The following PPP5C variants were observed in gnomAD, a reference collection of about 807,000 sequenced individuals.
PPP5C encodes the protein protein phosphatase 5 catalytic subunit.
PPP5C carries 21 observed loss-of-function variants against 66.7 expected under a neutral mutation model. That is an observed-to-expected ratio of 0.31 (90% CI 0.22 to 0.45). The LOEUF is 0.45. PPP5C is among the 20% of genes least tolerant of loss of function. PPP5C has a pLI of 1.00. For synonymous variants in PPP5C, 246 were observed against 257.4 expected (o/e 0.96, Z 0.43); for missense variants, 464 against 675.9 (o/e 0.69, Z 3.48).
chr19:46,354,872 G>C (rs1972256445), intron 2 of PPP5C, among the ~76,000 whole-genome samples: 1 of 151,750 alleles, frequency 6.6e-6, no homozygotes, highest in South Asian at 2.1e-4. Context: ...ATGAGGGAGG[G>C]GACCTAGGGC....
At chr19:46,367,569 C>G (rs1376256850) in intron 2 of PPP5C, among the ~76,000 whole-genome samples, 3 of 152,172 alleles carry the variant, frequency 2.0e-5, no homozygotes, top group African/African-American at 7.2e-5. Flanking sequence ...AAAACCCACT[C>G]ACCCACACTG....
chr19:46,385,478 C>T (rs932182808), intron 7 of PPP5C, among the ~76,000 whole-genome samples: 12 of 152,078 alleles, frequency 7.9e-5, no homozygotes, highest in African/African-American at 2.4e-4. Context: ...ACTTTGTCTC[C>T]AGTAAACATT....
At chr19:46,364,673 T>A (rs1356981885) in intron 2 of PPP5C, among the ~76,000 whole-genome samples, 3 of 152,104 alleles carry the variant, frequency 2.0e-5, no homozygotes, top group African/African-American at 7.2e-5. Context: ...AAAAAAATAA[T>A]TGTACCTTTC....
At position 46,347,152 on chromosome 19, in the gene PPP5C, C is replaced by G; in HGVS notation, c.56C>G (p.Pro19Arg). The change falls in exon 1 of 13, where the codon CCC (proline) becomes CGC (arginine). Residue 19 changes from proline (P) to arginine (R), a missense_variant. By Grantham distance (103) the Pro-to-Arg change is moderately radical. Around this residue, in one of 2 missense-constraint regions of PPP5C, gnomAD observed 77 missense variants for 49.9 expected, o/e 1.54. Coordinates refer to ENST00000012443, the MANE Select transcript of PPP5C (RefSeq NM_006247.4). Reference protein sequence around the residue: ...TECAEPPRDEPPADGALKRAE... With the variant: ...TECAEPPRDERPADGALKRAE... ...TGTGCTGAGCCCCCCCGGGACGAAC[C>G]CCCGGCTGATGGAGCTCTGAAGCGG... The G allele has an allele frequency of 6.2e-7, 1 of 1,605,666 alleles. No homozygotes were observed.
At chr19:46,349,078 G>A (rs552401900) in intron 1 of PPP5C, among the ~76,000 whole-genome samples, 2 of 152,182 alleles carry the variant, frequency 1.3e-5, no homozygotes, top group Non-Finnish European at 2.9e-5. Context: ...GTGGTAAGAC[G>A]AGAACGTGCA....
At chr19:46,373,567 G>A (rs1043312306) in intron 2 of PPP5C, among the ~76,000 whole-genome samples, 3 of 152,166 alleles carry the variant, frequency 2.0e-5, no homozygotes, top group Non-Finnish European at 4.4e-5. Flanking sequence ...GCCTTCATCT[G>A]CCTTCCCAGC....
chr19:46,372,511 C>T (rs916154828), intron 2 of PPP5C, among the ~76,000 whole-genome samples: 8 of 152,304 alleles, frequency 5.3e-5, no homozygotes, highest in African/African-American at 1.4e-4. Context: ...CCACACCCGG[C>T]CATCTACCAA....
At position 46,383,284 on chromosome 19, in the gene PPP5C, TTTTC is replaced by T. The variant is rs757494548; in HGVS notation, c.634-124_634-121del. ...CGCTCCCCCAGGCCTGCCCTGCCCT[TTTTC>T]TTCTCTCCCTGCTTCTCCCTCGCCC... is the stretch of plus-strand genomic sequence containing the variant. On this transcript the variant is annotated intron_variant, in intron 4 of 12. Transcript: ENST00000012443. This position sits in a 1 kb window ranked among gnomAD's most constrained non-coding sequence, Gnocchi z 5.0. 3.9e-6 allele frequency: 6 copies of T among 1,548,662 alleles called. No homozygotes were observed. The South Asian group carries it at 7.2e-5, about 19-fold the overall frequency.
In PPP5C at chr19:46,382,852, G is replaced by A. The variant is rs1177268391; in HGVS notation, c.634-559G>A. On this transcript the variant is annotated intron_variant, in intron 4 of 12. Coordinates refer to ENST00000012443, the MANE Select transcript of PPP5C (RefSeq NM_006247.4). Reference sequence around the variant, plus strand: ...AACATTGACAAATATGCATGTCATTGTCAAGGTCATATCCAATCTGTGAAA... The same window carrying A: ...AACATTGACAAATATGCATGTCATTATCAAGGTCATATCCAATCTGTGAAA... 17 of 1,048,654 alleles carry A rather than the reference G, an allele frequency of 1.6e-5. No homozygotes were observed. In the East Asian group the frequency reaches 5.8e-4, roughly 36 times the overall value. The allele number at this position is 1,048,654 out of a possible 1,614,324, so 65.0% of individuals were successfully genotyped here.
intron 6 of PPP5C, 40 bp from the exon 7 acceptor site, chr19:46,384,759 GCACCC>G: frequency 1.3e-4 from 181 of 1,341,666 alleles, no homozygotes; most frequent in Non-Finnish European, 1.8e-4. Context: ...CCACCGCACC[GCACCC>G]TTCCCCTCCA....
At chr19:46,371,595 G>A (rs771259227) in intron 2 of PPP5C, among the ~76,000 whole-genome samples, 6 of 152,162 alleles carry the variant, frequency 3.9e-5, no homozygotes, top group Non-Finnish European at 5.9e-5. Flanking sequence ...CAGGCGCAGC[G>A]GGTCCGAGTT....
At chr19:46,377,524 A>G (rs1239597560) in intron 4 of PPP5C, among the ~76,000 whole-genome samples, 1 of 152,250 alleles carries the variant, frequency 6.6e-6, no homozygotes, top group African/African-American at 2.4e-5. Context: ...AGTATAATTA[A>G]TGCACAATAA....
chr19:46,386,925 T>G (rs1972898838), intron 7 of PPP5C, 168 bp from the exon 8 acceptor site: 11 of 928,854 alleles, frequency 1.2e-5, no homozygotes, highest in Non-Finnish European at 1.8e-5. Flanking sequence ...CTACTTTTTG[T>G]CAAGATTCCC....
At chr19:46,384,198 A>G (rs1411131857) in intron 6 of PPP5C, among the ~76,000 whole-genome samples, 1 of 152,226 alleles carries the variant, frequency 6.6e-6, no homozygotes, top group Non-Finnish European at 1.5e-5. Flanking sequence ...CTTGGGTTCC[A>G]TCCTGGCTTT....
intron 1 of PPP5C, 132 bp from the exon 2 acceptor site, chr19:46,353,616 A>C: frequency 3.2e-5 from 42 of 1,332,764 alleles, no homozygotes; most frequent in Non-Finnish European, 4.2e-5. Flanking sequence ...GGCAGGCTGA[A>C]GAGATGTCTC....
At chr19:46,378,514 T>G (rs1972734899) in intron 4 of PPP5C, among the ~76,000 whole-genome samples, 1 of 152,248 alleles carries the variant, frequency 6.6e-6, no homozygotes, top group Admixed American at 6.5e-5. Flanking sequence ...ATAGCCTATT[T>G]TTTCTAATTG....
chr19:46,362,792 T>C (rs192956970), intron 2 of PPP5C, among the ~76,000 whole-genome samples: 2 of 151,716 alleles, frequency 1.3e-5, no homozygotes, highest in East Asian at 3.9e-4. Context: ...TTATTTTTTA[T>C]TTTTATTTTT....
chr19:46,380,144 A>T (rs1241048875), intron 4 of PPP5C, among the ~76,000 whole-genome samples: 2 of 151,846 alleles, frequency 1.3e-5, no homozygotes, highest in Admixed American at 1.3e-4. Flanking sequence ...CATCTCTACA[A>T]CCCTGTCTCT....
chr19:46,375,562 C>G (rs763346246), intron 2 of PPP5C, 42 bp from the exon 3 acceptor site: 1 of 1,608,420 alleles, frequency 6.2e-7, no homozygotes, highest in African/African-American at 1.3e-5. Flanking sequence ...CGCTGTGCCC[C>G]CACCTCAGCC....
Sources: gnomAD v4.1 joint callset for allele counts (sites outside exome capture counted in the v4.1 genomes callset) on GRCh38, gnomAD v4.1.1 for gene constraint, gnomAD v4.1.1 regional missense constraint, Gnocchi (gnomAD v3.1) non-coding constraint, MANE v1.5 for transcripts, NCBI Gene and HGNC (gene_info 2026-07-23, HGNC 2026-07-21) for gene names.